ABCA13: variants seen among roughly 807,000 people sequenced by gnomAD.
ABCA13 encodes the protein ATP binding cassette subfamily A member 13.
A neutral mutation model predicts 478.7 loss-of-function variants in ABCA13; 476 were observed. That is an observed-to-expected ratio of 0.99 (90% CI 0.92 to 1.07). ABCA13 has a LOEUF of 1.07. Among genes scored for constraint, ABCA13 ranks in the 50% least tolerant of loss-of-function variants. The pLI is 0.00. For missense variants in ABCA13, 6,060 were observed against 5,910.6 expected (o/e 1.03, Z -0.83); for synonymous variants, 2,252 against 2,158.9 (o/e 1.04, Z -1.20).
At position 48,374,401 on chromosome 7, in the gene ABCA13, G is replaced by A; in HGVS notation, c.11188G>A (p.Glu3730Lys). The A allele has an allele frequency of 4.3e-6, 7 of 1,609,304 alleles. No individual in the cohort carries two copies. The South Asian group carries it at 7.8e-5, about 18-fold the overall frequency. Residue 3730 changes from glutamate to lysine, a missense_variant, in exon 34 of 62, where the codon GAA becomes AAA. Glu to Lys is a moderately conservative substitution (Grantham distance 56, BLOSUM62 1). Transcript: ENST00000435803. ...AGGGGTATTTTTTATTACATTCCTG[G>A]AAGGACAAGAGACAGGTAAGAGCAT... ...GQGVFFITFL[E>K]GQETGIQWNN...
intron 53 of ABCA13, among the ~76,000 whole-genome samples, chr7:48,522,123 C>T (rs1184562777): frequency 1.3e-5 from 2 of 152,114 alleles, no homozygotes; most frequent in African/African-American, 4.8e-5. Flanking sequence ...TATTAGGGCA[C>T]ATCTATGTTG....
Position 48,505,036 on chromosome 7 carries a change from A to C in ABCA13, c.13292-1300A>C, listed in dbSNP as rs1251548311. Among the ~76,000 whole-genome samples, 8 of 152,308 alleles carry C rather than the reference A, an allele frequency of 5.3e-5. No individual in the cohort carries two copies. The East Asian group carries it at 1.5e-3, about 29-fold the overall frequency. On this transcript the variant is annotated intron_variant, in intron 48 of 61. Coordinates refer to ENST00000435803, the MANE Select transcript of ABCA13 (RefSeq NM_152701.5). The stretch of plus-strand genomic sequence containing the variant: ...AATGTGGTAAGTCCAGGATCCAGGA[A>C]GCGATGCAGCAGGTGTCAGGCACAC...
At chr7:48,201,449 G>A (rs10242270) in intron 3 of ABCA13, among the ~76,000 whole-genome samples, 31,955 of 148,470 alleles carry the variant, frequency 0.22, 3,963 homozygotes, top group African/African-American at 0.34. Context: ...TCACACAGAG[G>A]AGACCAACTC....
intron 42 of ABCA13, among the ~76,000 whole-genome samples, chr7:48,450,797 A>G (rs1402212484): frequency 6.6e-6 from 1 of 151,994 alleles, no homozygotes; most frequent in Non-Finnish European, 1.5e-5. Flanking sequence ...AGACTGTATA[A>G]TTTCATCTTA....
intron 42 of ABCA13, among the ~76,000 whole-genome samples, chr7:48,433,943 T>C (rs1258377845): frequency 6.6e-6 from 1 of 151,960 alleles, no homozygotes; most frequent in Non-Finnish European, 1.5e-5. Context: ...TGTGTTGCTT[T>C]CATCTTTAAG....
At position 48,236,827 on chromosome 7, in the gene ABCA13, C is replaced by T. The variant is rs372409526; in HGVS notation, c.898-2414C>T. On this transcript the variant is annotated intron_variant, in intron 8 of 61. Transcript: ENST00000435803. ...ACATGGACATCTTGGGGGAACATTG[C>T]CTGCTTCCCACCCTTCGTAAGTGTA... Among the ~76,000 whole-genome samples the T allele has an allele frequency of 2.6e-5, 4 of 152,244 alleles. No individual in the cohort carries two copies. The East Asian group carries it at 7.7e-4, about 29-fold the overall frequency.
In ABCA13 at chr7:48,273,611, T is replaced by A. The variant is rs371435198; in HGVS notation, c.3945T>A (p.Asn1315Lys). 1 of 1,598,614 alleles carries A rather than the reference T, an allele frequency of 6.3e-7. No individual in the cohort carries two copies. The highest frequency in any genetic ancestry group is 1.7e-5 in the Admixed American group (1 of 57,716). Residue 1315 changes from asparagine (N) to lysine (K), a missense_variant, in exon 17 of 62, where the codon AAT becomes AAA. Asn to Lys is a moderately conservative substitution (Grantham distance 94). This residue lies in a region of ABCA13 where 4,423 missense variants were observed against 4,309.1 expected (regional missense o/e 1.03). Coordinates refer to ENST00000435803, the MANE Select transcript of ABCA13 (RefSeq NM_152701.5). ...INDFLSNNLT[N>K]YGEKFENIIT... is the part of the protein sequence containing the mutation. ...ACTTTCTTTCAAATAATCTCACAAA[T>A]TATGGAGAAAAATTTGAAAATATCA...
chr7:48,326,565 A>C (rs1377008557), intron 27 of ABCA13, among the ~76,000 whole-genome samples: 1 of 152,176 alleles, frequency 6.6e-6, no homozygotes, highest in East Asian at 1.9e-4. Context: ...TATACCTACA[A>C]TAGGGGTTGG....
chr7:48,314,430 A>G (rs1044297014), intron 26 of ABCA13, 21 bp downstream of exon 26: 7 of 1,521,630 alleles, frequency 4.6e-6, no homozygotes, highest in Non-Finnish European at 6.2e-6. Flanking sequence ...AGTAATATAT[A>G]TATATGTGTT....
intron 48 of ABCA13, among the ~76,000 whole-genome samples, chr7:48,499,956 A>G (rs1830601911): frequency 6.6e-6 from 1 of 152,230 alleles, no homozygotes; most frequent in Admixed American, 6.5e-5. Flanking sequence ...TGTTTTTTAC[A>G]GCAAGGGTAT....
chr7:48,352,726 A>G (rs1809249830), intron 31 of ABCA13, among the ~76,000 whole-genome samples: 3 of 152,196 alleles, frequency 2.0e-5, no homozygotes, highest in South Asian at 4.1e-4. Flanking sequence ...ATCAGGCATC[A>G]TCTATAGTTT....
chr7:48,566,180 A>G (rs1482356924), intron 55 of ABCA13, among the ~76,000 whole-genome samples: 1 of 152,292 alleles, frequency 6.6e-6, no homozygotes, highest in East Asian at 1.9e-4. Context: ...GATCTGGCAA[A>G]GACCCCTCAG....
intron 1 of ABCA13, among the ~76,000 whole-genome samples, chr7:48,185,403 A>T (rs1796226834): frequency 6.6e-6 from 1 of 152,226 alleles, no homozygotes; most frequent in African/African-American, 2.4e-5. Flanking sequence ...TCTCCCAAAT[A>T]CATTCTAGAA....
intron 58 of ABCA13, among the ~76,000 whole-genome samples, chr7:48,603,294 C>T (rs1199759242): frequency 1.3e-5 from 2 of 152,182 alleles, no homozygotes; most frequent in African/African-American, 4.8e-5. Flanking sequence ...GAGAGGGCAT[C>T]CTCATCTTGT....
At chr7:48,302,858 G>A (rs1364714666) in intron 23 of ABCA13, among the ~76,000 whole-genome samples, 1 of 152,100 alleles carries the variant, frequency 6.6e-6, no homozygotes, top group East Asian at 1.9e-4. Flanking sequence ...TGGGTATACA[G>A]CCAGTAATGG....
chr7:48,309,911 G>A (rs766488291), intron 23 of ABCA13, 36 bp from the exon 24 acceptor site: 1 of 1,611,820 alleles, frequency 6.2e-7, no homozygotes, highest in Non-Finnish European at 8.5e-7. Flanking sequence ...TGACGTCATA[G>A]GTATACTCAC....
Position 48,249,474 on chromosome 7 carries a change from A to C in ABCA13, c.2005+123A>C. 4.0e-6 allele frequency: 5 copies of C among 1,255,042 alleles called. No homozygotes were observed. In the South Asian group the frequency reaches 6.9e-5, roughly 17 times the overall value. 77.7% of individuals were successfully genotyped at this position (1,255,042 alleles called of 1,614,324 possible). A position where few individuals can be genotyped will look rare whatever the true frequency, so the allele number is the denominator to read the frequency against. On this transcript the variant is annotated intron_variant, in intron 15 of 61. Coordinates refer to ENST00000435803, the MANE Select transcript of ABCA13 (RefSeq NM_152701.5). ...GCTTAAAATGGGTGGCTCTCCAAGC[A>C]CAATTTGGCATTGTGATTACTTCAT...
At chr7:48,537,354 G>T (rs778219699) in intron 55 of ABCA13, among the ~76,000 whole-genome samples, 10 of 152,162 alleles carry the variant, frequency 6.6e-5, no homozygotes, top group Non-Finnish European at 1.3e-4. Flanking sequence ...TCATAGTATT[G>T]TTGTTATTCT....
intron 19 of ABCA13, among the ~76,000 whole-genome samples, chr7:48,285,545 A>G (rs1797616773): frequency 6.6e-6 from 1 of 152,232 alleles, no homozygotes; most frequent in African/African-American, 2.4e-5. Context: ...CCAGCACTGC[A>G]TCCCATGATC....
Sources: allele counts gnomAD v4.1 joint callset (sites outside exome capture counted in the v4.1 genomes callset), GRCh38; gene constraint gnomAD v4.1.1; regional missense constraint gnomAD v4.1.1; transcripts MANE v1.5; gene names NCBI Gene and HGNC (gene_info 2026-07-23, HGNC 2026-07-21).